The following BBS1 variants were observed in gnomAD, a reference collection of about 807,000 sequenced individuals.
The protein encoded by BBS1 is BBSome complex member BBS1.
Under a neutral mutation model 73.9 loss-of-function variants are expected in BBS1, and 60 were observed. That is an observed-to-expected ratio of 0.81 (90% CI 0.66 to 1.01). BBS1 has a LOEUF of 1.01. Among genes scored for constraint, BBS1 ranks in the 50% least tolerant of loss-of-function variants. The probability of loss-of-function intolerance (pLI) is 0.00; values close to 1 mark genes in which losing one functional copy is unlikely to be tolerated. For missense variants in BBS1, 718 were observed against 770.3 expected, an observed-to-expected ratio of 0.93 and a Z score of 0.80; for synonymous variants, 283 against 317.4, an observed-to-expected ratio of 0.89 and a Z score of 1.15.
chr11:66,529,729 C>A, intron 13 of BBS1, 90 bp from the exon 14 acceptor site: 1 of 1,531,844 alleles, frequency 6.5e-7, no homozygotes, highest in East Asian at 2.2e-5. Context: ...TGCACCCTCC[C>A]CACACCAACC....
intron 6 of BBS1, 43 bp from the exon 7 acceptor site, chr11:66,515,818 A>G: frequency 6.2e-7 from 1 of 1,614,108 alleles, no homozygotes; most frequent in Non-Finnish European, 8.5e-7. Context: ...GGAGGAGGGC[A>G]GCGAGGCCGG....
chr11:66,523,731 A>C lies in BBS1; in HGVS notation c.959A>C (p.Lys320Thr). Residue 320 changes from lysine (K) to threonine (T), a missense_variant, in exon 11 of 17, where the codon AAG (lysine) becomes ACG (threonine). Coordinates refer to ENST00000318312, the MANE Select transcript of BBS1 (RefSeq NM_024649.5). The part of the protein sequence containing the change: ...SLHGFTHKGK[K>T]LWTVQMPAAI... ...CTGGCTGTTCCCTGCCAGGGGAAGA[A>C]GCTGTGGACAGTGCAGATGCCCGCA... The C allele has an allele frequency of 6.2e-7, 1 of 1,611,562 alleles. No homozygotes were observed. Among genetic ancestry groups the C allele is most frequent in the South Asian group, 1.1e-5 (1 of 91,088 alleles).
chr11:66,517,989 C>A (rs973563402), intron 7 of BBS1, among the ~76,000 whole-genome samples: 1 of 142,926 alleles, frequency 7.0e-6, no homozygotes, highest in African/African-American at 2.6e-5. Flanking sequence ...TGGAGTTTTG[C>A]TCTTGTTGCC....
chr11:66,519,879 G>GAT (rs1856149647), intron 8 of BBS1, 131 bp downstream of exon 8: 2 of 1,246,786 alleles, frequency 1.6e-6, no homozygotes, highest in East Asian at 2.6e-5. Context: ...CATTAAAAAA[G>GAT]ATATATATCC....
rs1308569251 is a variant in BBS1 at position 66,514,386 on chromosome 11, G to A, written c.160-20G>A. Reference sequence around the variant, plus strand: ...GGTCTTCAGACCCTGAGCCTAGAATGAGCCATCCTCTCCCTGCAGCTGGTG... The same window carrying A: ...GGTCTTCAGACCCTGAGCCTAGAATAAGCCATCCTCTCCCTGCAGCTGGTG... On this transcript the variant is annotated intron_variant, in intron 3 of 16. Coordinates refer to ENST00000318312, the MANE Select transcript of BBS1 (RefSeq NM_024649.5). The A allele has an allele frequency of 6.2e-7, 1 of 1,613,768 alleles. No homozygotes were observed. The highest frequency in any genetic ancestry group is 8.5e-7 in the Non-Finnish European group (1 of 1,180,014).
chr11:66,521,598 C>T, intron 9 of BBS1: 1 of 552,856 alleles, frequency 1.8e-6, no homozygotes, highest in Admixed American at 3.0e-5. Context: ...GGCTATAGTA[C>T]AGGAGTGATC....
chr11:66,519,516 C>G, intron 7 of BBS1, 101 bp from the exon 8 acceptor site: 1 of 1,522,162 alleles, frequency 6.6e-7, no homozygotes, highest in Non-Finnish European at 9.0e-7. Context: ...ATTTCCTCTT[C>G]ATCCTCCTTT....
intron 11 of BBS1, among the ~76,000 whole-genome samples, chr11:66,525,811 A>G (rs987600414): frequency 2.6e-5 from 4 of 152,166 alleles, no homozygotes; most frequent in Admixed American, 6.6e-5. Context: ...GACCAGACAT[A>G]TTTGTGTTTT....
In BBS1 at chr11:66,523,468, C is replaced by T. The variant is rs748076552; in HGVS notation, c.843C>T (p.His281=). The T allele has an allele frequency of 3.1e-6, 5 of 1,614,018 alleles. No individual in the cohort carries two copies. The highest frequency in any genetic ancestry group is 2.7e-5 in the African/African-American group (2 of 74,886). The part of the protein sequence containing the change: ...NIYILRRDSK[H]PKYCIELSAQ... Reference sequence around the variant, plus strand: ...GTTTATTCCACAGAGACTCCAAGCACCCCAAGTACTGCATCGAGCTGAGCG... The same window carrying T: ...GTTTATTCCACAGAGACTCCAAGCATCCCAAGTACTGCATCGAGCTGAGCG... Residue 281 remains histidine, a synonymous_variant, in exon 10 of 17, where the codon CAC becomes CAT. Transcript: ENST00000318312.
Position 66,531,999 on chromosome 11 carries a change from G to A in BBS1, c.1744G>A (p.Val582Ile), listed in dbSNP as rs111358560. The change falls in exon 17 of 17, where the codon GTC (valine) becomes ATC (isoleucine). Residue 582 changes from valine to isoleucine, a missense_variant. Transcript: ENST00000318312. ...AAGTGCACCCCTGCTGAGTGCCCAC[G>A]TCAACATGCCTGGGAGCGAGGGGCT... Reference protein sequence around the residue: ...GQSAPLLSAHVNMPGSEGLAA... With the variant: ...GQSAPLLSAHINMPGSEGLAA... The A allele has an allele frequency of 3.8e-5, 61 of 1,608,144 alleles. No homozygotes were observed. The Admixed American group carries it at 4.4e-4, about 12-fold the overall frequency.
At chr11:66,520,846 A>G (rs1856184977) in intron 8 of BBS1, 1 of 304,128 alleles carries the variant, frequency 3.3e-6, no homozygotes, top group Non-Finnish European at 6.4e-6. Flanking sequence ...CAGTCCTCTC[A>G]CCTCATCTTC....
chr11:66,526,925 A>G, intron 13 of BBS1, 118 bp downstream of exon 13: 1 of 1,602,040 alleles, frequency 6.2e-7, no homozygotes, highest in Non-Finnish European at 8.5e-7. Flanking sequence ...CCAACTAGGT[A>G]GGTCACTCAC....
intron 14 of BBS1, among the ~76,000 whole-genome samples, chr11:66,530,611 G>A (rs571242330): frequency 6.6e-6 from 1 of 152,272 alleles, no homozygotes; most frequent in East Asian, 1.9e-4. Context: ...AGAGTGGGAG[G>A]TGGAACAGGC....
Position 66,523,453 on chromosome 11 carries a change from C to T in BBS1, c.831-3C>T, listed in dbSNP as rs113994179. 5.0e-6 allele frequency: 8 copies of T among 1,614,120 alleles called. No individual in the cohort carries two copies. The highest frequency in any genetic ancestry group is 6.8e-6 in the Non-Finnish European group (8 of 1,180,014). ...GCCAGACAGTGTGTTGTTTATTCCA[C>T]AGAGACTCCAAGCACCCCAAGTACT... On this transcript the variant is annotated splice_region_variant and splice_polypyrimidine_tract_variant and intron_variant, in intron 9 of 16. Transcript: ENST00000318312.
chr11:66,510,753 G>C (rs1855922586), intron 1 of BBS1, 47 bp downstream of exon 1: 2 of 1,611,204 alleles, frequency 1.2e-6, no homozygotes, highest in African/African-American at 1.3e-5. Flanking sequence ...CGTGTAAAGA[G>C]GGTCCCTTGG....
At chr11:66,531,094 C>T in intron 15 of BBS1, 66 bp downstream of exon 15, 1 of 1,596,978 alleles carries the variant, frequency 6.3e-7, no homozygotes, top group Non-Finnish European at 8.5e-7. Context: ...ATGAGATGCC[C>T]ACAGAGCCCC....
intron 13 of BBS1, chr11:66,527,076 A>C: frequency 2.3e-4 from 344 of 1,488,262 alleles, no homozygotes; most frequent in Non-Finnish European, 2.8e-4. Context: ...AGGAATTCTC[A>C]TGAGGAAAGT....
chr11:66,514,773 G>C, intron 4 of BBS1, 95 bp downstream of exon 4: 1 of 1,464,510 alleles, frequency 6.8e-7, no homozygotes, highest in Non-Finnish European at 9.4e-7. Context: ...TGGGCTGGTG[G>C]CAGGAGGTCA....
intron 5 of BBS1, 27 bp downstream of exon 5, chr11:66,515,613 C>G (rs749506870): frequency 1.9e-6 from 3 of 1,614,142 alleles, no homozygotes; most frequent in Non-Finnish European, 1.7e-6. Flanking sequence ...CCCTTCATAC[C>G]CCCCTCACTC....
Sources: allele counts gnomAD v4.1 joint callset (sites outside exome capture counted in the v4.1 genomes callset), GRCh38; gene constraint gnomAD v4.1.1; transcripts MANE v1.5; gene names NCBI Gene and HGNC (gene_info 2026-07-23, HGNC 2026-07-21).